The following HS1BP3 variants were observed in gnomAD, a reference collection of about 807,000 sequenced individuals.
HS1BP3 encodes the protein HCLS1-binding protein 3.
A neutral mutation model predicts 33.5 loss-of-function variants in HS1BP3; 32 were observed. That is an observed-to-expected ratio of 0.95 (90% CI 0.72 to 1.28). The LOEUF is 1.28. Among genes scored for constraint, HS1BP3 ranks in the 50% most tolerant of loss-of-function variants. The probability of loss-of-function intolerance (pLI) is 0.00; values close to 1 mark genes in which losing one functional copy is unlikely to be tolerated. For missense variants in HS1BP3, 486 were observed against 502.3 expected, an observed-to-expected ratio of 0.97 and a Z score of 0.31; for synonymous variants, 187 against 209.2, an observed-to-expected ratio of 0.89 and a Z score of 0.92.
chr2:20,611,478 G>A lies in HS1BP3; in HGVS notation c.178+12418C>T, dbSNP rs1694317565. On this transcript the variant is annotated intron_variant, in intron 2 of 3. Transcript: ENST00000415264. This position sits in a 1 kb window ranked among gnomAD's most constrained non-coding sequence, Gnocchi z 4.9. ...ATCGTGCGCAAAGTTCAGGGACCAG[G>A]AGAGGGAAACCGATGTGTTTACTTC... Among the ~76,000 whole-genome samples, 1 of 152,234 alleles carries A rather than the reference G, an allele frequency of 6.6e-6. No individual in the cohort carries two copies. Among genetic ancestry groups the A allele is most frequent in the African/African-American group, 2.4e-5 (1 of 41,464 alleles).
downstream of HS1BP3, among the ~76,000 whole-genome samples, chr2:20,556,857 T>C (rs192390105): frequency 1.1e-4 from 17 of 152,328 alleles, no homozygotes; most frequent in African/African-American, 3.4e-4. Context: ...CACACTCTTC[T>C]TTTCCATGTC....
chr2:20,621,562 C>T (rs1694603235), intron 6 of HS1BP3, among the ~76,000 whole-genome samples: 1 of 152,240 alleles, frequency 6.6e-6, no homozygotes, highest in Non-Finnish European at 1.5e-5. Context: ...TTGACTCCCC[C>T]AGGGCAGGTG....
downstream of HS1BP3, among the ~76,000 whole-genome samples, chr2:20,558,910 G>A (rs918224542): frequency 3.9e-5 from 6 of 152,222 alleles, no homozygotes; most frequent in Admixed American, 6.5e-5. Flanking sequence ...GTCTGGGAGC[G>A]TGAGGCTAGG....
At chr2:20,592,479 A>C (rs1335992060), downstream of HS1BP3, 3 of 167,112 alleles carry the variant, frequency 1.8e-5, no homozygotes, top group African/African-American at 2.4e-5. Context: ...AGACTCTCCT[A>C]TGCAGCTAGG....
intron 2 of HS1BP3, among the ~76,000 whole-genome samples, chr2:20,602,097 G>GGAGATAGGTTATCAGGGATGTCATCCAT (rs1694083359): frequency 1.3e-5 from 2 of 151,254 alleles, no homozygotes; most frequent in South Asian, 4.2e-4. Flanking sequence ...TGGGCTGTGA[G>GGAGATAGGTTATCAGGGATGTCATCCAT]GAGATAGGTT....
At chr2:20,587,516 G>A (rs544751793) in intron 5 of HS1BP3, among the ~76,000 whole-genome samples, 3 of 152,284 alleles carry the variant, frequency 2.0e-5, no homozygotes, top group Admixed American at 1.3e-4. Context: ...AAAGGTTGAC[G>A]GGGAGAGGGC....
At chr2:20,616,452 C>T (rs1221814861), downstream of HS1BP3, among the ~76,000 whole-genome samples, 15 of 152,186 alleles carry the variant, frequency 9.9e-5, no homozygotes, top group Non-Finnish European at 1.5e-5. Context: ...CTGACAGAGG[C>T]GCAGGGCCAT....
intron 2 of HS1BP3, among the ~76,000 whole-genome samples, chr2:20,600,208 G>C (rs1694040510): frequency 6.6e-6 from 1 of 152,204 alleles, no homozygotes; most frequent in Non-Finnish European, 1.5e-5. Context: ...TTAAGACAGA[G>C]ATGGTCTGGT....
chr2:20,631,261 C>T (rs1442881566), intron 4 of HS1BP3, among the ~76,000 whole-genome samples: 1 of 151,476 alleles, frequency 6.6e-6, no homozygotes. Context: ...TGCCTGTAAT[C>T]CCAGCACTTT....
intron 2 of HS1BP3, among the ~76,000 whole-genome samples, chr2:20,601,770 CTT>C (rs35644786): frequency 0.023 from 1,589 of 68,926 alleles, 5 homozygotes; most frequent in African/African-American, 0.041. Context: ...AGTGTGTCTT[CTT>C]TTTTTTTTTT....
At chr2:20,640,940 G>A in intron 3 of HS1BP3, 33 bp downstream of exon 3, 1 of 1,605,522 alleles carries the variant, frequency 6.2e-7, no homozygotes, top group Admixed American at 1.7e-5. Context: ...GGGCCGGGGA[G>A]ACCTGAGGGA....
At chr2:20,581,656 C>G (rs1241987671) in intron 5 of HS1BP3, among the ~76,000 whole-genome samples, 1 of 152,208 alleles carries the variant, frequency 6.6e-6, no homozygotes, top group African/African-American at 2.4e-5. Flanking sequence ...AGCCAACACA[C>G]CTTTATTACC....
chr2:20,578,021 A>G (rs1693442699), intron 5 of HS1BP3, among the ~76,000 whole-genome samples: 1 of 152,236 alleles, frequency 6.6e-6, no homozygotes, highest in African/African-American at 2.4e-5. Flanking sequence ...GCAAAGACTG[A>G]GTAACGTGCC....
chr2:20,582,487 C>T (rs1426655467), intron 5 of HS1BP3, among the ~76,000 whole-genome samples: 2 of 152,098 alleles, frequency 1.3e-5, no homozygotes, highest in East Asian at 3.9e-4. Context: ...TCTAAGAGTG[C>T]CCTGCAGATG....
chr2:20,559,027 C>G (rs533529092), downstream of HS1BP3, among the ~76,000 whole-genome samples: 3 of 152,330 alleles, frequency 2.0e-5, no homozygotes, highest in South Asian at 2.1e-4. Context: ...GCACCCAGGA[C>G]TCACATCGTG....
At chr2:20,628,008 G>A (rs1364499390) in intron 4 of HS1BP3, among the ~76,000 whole-genome samples, 2 of 152,150 alleles carry the variant, frequency 1.3e-5, no homozygotes, top group Non-Finnish European at 2.9e-5. Flanking sequence ...CCCCAAGGCG[G>A]GAGGGGCAGG....
In HS1BP3 at chr2:20,645,327, G is replaced by GC. The variant is rs1695483760; in HGVS notation, c.198+12dup. ...GCACCCTCGAAACATCCTGGCCAGA[G>GC]CCTCCGGCTCACCAAGAACTGGACG... On this transcript the variant is annotated intron_variant, in intron 2 of 6. Coordinates refer to ENST00000304031, the MANE Select transcript of HS1BP3 (RefSeq NM_022460.4). 2 of 1,611,748 alleles carry GC rather than the reference G, an allele frequency of 1.2e-6. No homozygotes were observed. The highest frequency in any genetic ancestry group is 1.3e-5 in the African/African-American group (1 of 74,920).
At chr2:20,638,694 C>T in intron 3 of HS1BP3, 42 bp from the exon 4 acceptor site, 1 of 1,516,786 alleles carries the variant, frequency 6.6e-7, no homozygotes, top group Non-Finnish European at 9.1e-7. Context: ...GTAACCACCC[C>T]AGAGCCAGGG....
intron 6 of HS1BP3, chr2:20,623,379 C>T (rs1463123303): frequency 6.5e-6 from 1 of 153,136 alleles, no homozygotes; most frequent in African/African-American, 2.4e-5. Flanking sequence ...GAAATAGGAG[C>T]TGTCACCGGC....
Sources: gnomAD v4.1 joint callset for allele counts (sites outside exome capture counted in the v4.1 genomes callset) on GRCh38, gnomAD v4.1.1 for gene constraint, Gnocchi (gnomAD v3.1) non-coding constraint, MANE v1.5 for transcripts, NCBI Gene and HGNC (gene_info 2026-07-23, HGNC 2026-07-21) for gene names.